Variants in TET2 observed in about 807,000 individuals in gnomAD.
The protein encoded by TET2 is methylcytosine dioxygenase TET2.
Under a neutral mutation model 142.9 loss-of-function variants are expected in TET2, and 299 were observed. That is an observed-to-expected ratio of 2.09 (90% CI 1.90 to 2.30). The LOEUF (loss-of-function observed/expected upper bound fraction) is 2.30. Among genes scored for constraint, TET2 ranks in the 30% most tolerant of loss-of-function variants. The pLI is 0.00. For missense variants in TET2, 2,418 were observed against 2,378.0 expected, an observed-to-expected ratio of 1.02 and a Z score of -0.35; for synonymous variants, 819 against 849.0, an observed-to-expected ratio of 0.96 and a Z score of 0.61.
At chr4:105,254,965 C>A (rs1007099768) in intron 6 of TET2, among the ~76,000 whole-genome samples, 2 of 152,196 alleles carry the variant, frequency 1.3e-5, no homozygotes, top group Non-Finnish European at 2.9e-5. Context: ...ACACTGGTTC[C>A]TACAGAGGTT....
At position 105,272,496 on chromosome 4, in the gene TET2, TACACACAC is replaced by T; in HGVS notation, c.4183-59_4183-52del. 5 of 1,014,908 alleles carry T rather than the reference TACACACAC, an allele frequency of 4.9e-6. No individual in the cohort carries two copies. In the South Asian group the frequency reaches 8.9e-5, roughly 18 times the overall value. The allele number at this position is 1,014,908 out of a possible 1,614,324, so 62.9% of individuals were successfully genotyped here. A position where few individuals can be genotyped will look rare whatever the true frequency, so the allele number is the denominator to read the frequency against. On this transcript the variant is annotated intron_variant, in intron 9 of 10. Transcript: ENST00000380013. The stretch of plus-strand genomic sequence containing the variant: ...AATCTGAATACTGAGAGGAGAAAGA[TACACACAC>T]ACACACACGTTTTCTTTGGGACCTG...
chr4:105,195,284 A>G (rs911596832), intron 2 of TET2, among the ~76,000 whole-genome samples: 6 of 152,182 alleles, frequency 3.9e-5, no homozygotes, highest in African/African-American at 1.4e-4. Context: ...GAAAATTGCA[A>G]TGTAAATACA....
At chr4:105,180,725 C>T (rs1323195568) in intron 1 of TET2, among the ~76,000 whole-genome samples, 2 of 151,984 alleles carry the variant, frequency 1.3e-5, no homozygotes, top group East Asian at 3.9e-4. Flanking sequence ...CTGCAACCTC[C>T]ACCTCCTGAG....
rs2110306489 is a variant in TET2, at chr4:105,272,720, C to G, written c.4339C>G (p.Leu1447Val). 1 of 1,551,688 alleles carries G rather than the reference C, an allele frequency of 6.4e-7. No homozygotes were observed. The highest frequency in any genetic ancestry group is 1.4e-5 in the African/African-American group (1 of 73,144). ...EKKRSGAIQV[L>V]SSFRRKVRML... is the part of the protein sequence containing the mutation. ...AAAACGGAGTGGTGCCATTCAGGTA[C>G]TGAGTTCTTTTCGGCGAAAAGTCAG... Residue 1447 changes from leucine (L) to valine (V), a missense_variant, in exon 10 of 11, where the codon CTG (leucine) becomes GTG (valine). By Grantham distance (32) the Leu-to-Val change is conservative. Coordinates refer to ENST00000380013, the MANE Select transcript of TET2 (RefSeq NM_001127208.3).
intron 1 of TET2, chr4:105,171,425 A>T (rs1337355434): frequency 2.0e-5 from 3 of 152,244 alleles, no homozygotes; most frequent in African/African-American, 7.2e-5. Flanking sequence ...GCATTGATTA[A>T]TAAGTTTTAA....
intron 6 of TET2, among the ~76,000 whole-genome samples, chr4:105,254,661 C>T (rs1343249618): frequency 6.6e-6 from 1 of 152,166 alleles, no homozygotes; most frequent in Non-Finnish European, 1.5e-5. Flanking sequence ...ATCTGCCTGC[C>T]TCAGCCTCCA....
intron 1 of TET2, among the ~76,000 whole-genome samples, chr4:105,164,197 A>T (rs1278917611): frequency 2.6e-5 from 4 of 152,132 alleles, no homozygotes. Flanking sequence ...TATTTCCCCT[A>T]CTACCCAGCC....
intron 1 of TET2, among the ~76,000 whole-genome samples, chr4:105,161,293 A>G (rs1466350199): frequency 6.6e-6 from 1 of 151,192 alleles, no homozygotes; most frequent in Non-Finnish European, 1.5e-5. Context: ...ATATGAAAAG[A>G]TATTACTTCT....
At chr4:105,260,230 A>T (rs1196976450) in intron 7 of TET2, among the ~76,000 whole-genome samples, 4 of 151,968 alleles carry the variant, frequency 2.6e-5, no homozygotes, top group Non-Finnish European at 5.9e-5. Context: ...AGATTTTAAT[A>T]TAACTCTGTA....
chr4:105,192,633 G>A (rs1303866244), intron 2 of TET2, among the ~76,000 whole-genome samples: 4 of 151,988 alleles, frequency 2.6e-5, no homozygotes, highest in Non-Finnish European at 5.9e-5. Context: ...TATTTCTTGA[G>A]CACCTGCCAA....
chr4:105,241,805 A>G, intron 4 of TET2: 1 of 1,249,516 alleles, frequency 8.0e-7, no homozygotes, highest in Non-Finnish European at 1.0e-6. Context: ...AAAGTGTGGT[A>G]TAAGAAAAGA....
chr4:105,176,051 A>G (rs1035102750), intron 1 of TET2, among the ~76,000 whole-genome samples: 2 of 152,154 alleles, frequency 1.3e-5, no homozygotes, highest in African/African-American at 2.4e-5. Context: ...CCCTTGCAAA[A>G]AATGTTTAAA....
intron 2 of TET2, among the ~76,000 whole-genome samples, chr4:105,218,833 T>C (rs1176677394): frequency 6.6e-6 from 1 of 151,966 alleles, no homozygotes; most frequent in East Asian, 1.9e-4. Flanking sequence ...GAAGAACCTT[T>C]TGTAATGAAA....
At chr4:105,254,962 T>C (rs1730049845) in intron 6 of TET2, among the ~76,000 whole-genome samples, 2 of 152,218 alleles carry the variant, frequency 1.3e-5, no homozygotes, top group African/African-American at 2.4e-5. Context: ...CCAACACTGG[T>C]TCCTACAGAG....
At chr4:105,190,575 T>C (rs947030115) in intron 2 of TET2, 70 bp downstream of exon 2, 34 of 675,406 alleles carry the variant, frequency 5.0e-5, no homozygotes, top group Non-Finnish European at 8.6e-5. Context: ...TGGTAATCTC[T>C]CTCCCAAACT....
chr4:105,264,506 C>T (rs2647249), intron 8 of TET2, among the ~76,000 whole-genome samples: 123,405 of 152,116 alleles, frequency 0.81, 50,792 homozygotes, highest in African/African-American at 0.94. Context: ...TATTATGGAC[C>T]GTCTCATACT....
chr4:105,160,329 G>A (rs1410633521), intron 1 of TET2, among the ~76,000 whole-genome samples: 1 of 151,408 alleles, frequency 6.6e-6, no homozygotes, highest in Non-Finnish European at 1.5e-5. Flanking sequence ...AAAGCAAGTT[G>A]AAATAAAAAA....
At chr4:105,170,900 T>C (rs1455004011) in intron 1 of TET2, among the ~76,000 whole-genome samples, 2 of 152,198 alleles carry the variant, frequency 1.3e-5, no homozygotes, top group Non-Finnish European at 2.9e-5. Context: ...GAGCACTGCC[T>C]GTGTTCTTCC....
Position 105,276,588 on chromosome 4 carries a change from A to C in TET2, c.*69A>C. 82 of 1,461,220 alleles carry C rather than the reference A, an allele frequency of 5.6e-5. No individual in the cohort carries two copies. Among genetic ancestry groups the C allele is most frequent in the Non-Finnish European group, 6.8e-5 (74 of 1,093,898 alleles). The allele number at this position is 1,461,220 out of a possible 1,614,324, so 90.5% of individuals were successfully genotyped here. A position where few individuals can be genotyped will look rare whatever the true frequency, so the allele number is the denominator to read the frequency against. ...CCAACCTGTCAGTAGTATAGTTCTC[A>C]TGACGTGGGCAGTGGGGAAAGGTCA... On this transcript the variant is annotated 3_prime_UTR_variant, in exon 11 of 11. Coordinates refer to ENST00000380013, the MANE Select transcript of TET2 (RefSeq NM_001127208.3).
Sources: allele counts gnomAD v4.1 joint callset (sites outside exome capture counted in the v4.1 genomes callset), GRCh38; gene constraint gnomAD v4.1.1; transcripts MANE v1.5; gene names NCBI Gene and HGNC (gene_info 2026-07-23, HGNC 2026-07-21).